Variants in BCL2 observed in about 807,000 individuals in gnomAD.
BCL2 encodes the protein BCL2 apoptosis regulator, also known as apoptosis regulator Bcl-2.
BCL2 carries 1 observed loss-of-function variant against 14.2 expected under a neutral mutation model. The ratio of observed to expected loss-of-function variants is 0.07; its 90% confidence interval spans 0.02 to 0.33. The LOEUF (loss-of-function observed/expected upper bound fraction) is 0.33, where lower values mean the gene tolerates loss of function less well. BCL2 is among the 10% of genes least tolerant of loss of function. The pLI is 0.99. For synonymous variants in BCL2, 151 were observed against 137.2 expected, an observed-to-expected ratio of 1.10 and a Z score of -0.70; for missense variants, 247 against 305.9, an observed-to-expected ratio of 0.81 and a Z score of 1.44.
At chr18:63,199,220 C>T (rs1309724118) in intron 2 of BCL2, among the ~76,000 whole-genome samples, 3 of 150,716 alleles carry the variant, frequency 2.0e-5, no homozygotes, top group Non-Finnish European at 3.0e-5. Context: ...ACACAACACA[C>T]ACACTACACA....
chr18:63,211,944 A>T (rs1053179210), intron 2 of BCL2, among the ~76,000 whole-genome samples: 3 of 151,840 alleles, frequency 2.0e-5, no homozygotes, highest in Non-Finnish European at 4.4e-5. Flanking sequence ...CAGTCATGTG[A>T]CTCCTTTCTT....
At chr18:63,319,063 A>C in intron 1 of BCL2, 111 bp from the exon 2 acceptor site, 4 of 1,081,782 alleles carry the variant, frequency 3.7e-6, no homozygotes, top group Admixed American at 5.1e-5. Flanking sequence ...GCTAAAAAGA[A>C]TGTATTAAGC....
intron 2 of BCL2, among the ~76,000 whole-genome samples, chr18:63,259,126 A>T (rs1911575805): frequency 6.6e-6 from 1 of 152,210 alleles, no homozygotes; most frequent in African/African-American, 2.4e-5. Context: ...CCTGGCCGTC[A>T]GAAGTCCCAT....
In BCL2 at chr18:63,318,607, A is replaced by C. The variant is rs758123306; in HGVS notation, c.60T>G (p.His20Gln). The C allele has an allele frequency of 5.4e-5, 87 of 1,612,538 alleles. 1 individual carries two copies. The highest frequency in any genetic ancestry group is 1.0e-4 in the Admixed American group (6 of 59,944). Residue 20 changes from histidine (H) to glutamine (Q), a missense_variant, in exon 2 of 3, where the codon CAT (histidine) becomes CAG (glutamine). Physicochemically the swap from His to Gln is conservative, Grantham distance 24. Around this residue, in one of 3 missense-constraint regions of BCL2, gnomAD observed 144 missense variants for 135.3 expected, o/e 1.06. Coordinates refer to ENST00000333681, the MANE Select transcript of BCL2 (RefSeq NM_000633.3). This position sits in a 1 kb window ranked among gnomAD's most constrained non-coding sequence, Gnocchi z 7.4. Reference sequence around the variant, plus strand: ...CGTAGCCCCTCTGCGACAGCTTATAATGGATGTACTTCATCACTATCTCCC... The same window carrying C: ...CGTAGCCCCTCTGCGACAGCTTATACTGGATGTACTTCATCACTATCTCCC... Reference protein sequence around the residue: ...DNREIVMKYIHYKLSQRGYEW... With the variant: ...DNREIVMKYIQYKLSQRGYEW...
Position 63,225,958 on chromosome 18 carries a change from C to T in BCL2, c.585+92124G>A, listed in dbSNP as rs979496055. On this transcript the variant is annotated intron_variant, in intron 2 of 2. Transcript: ENST00000333681. ...GCATTTTACACCTGCATTGTGGCACCCAAGTTCTTGTCCGGCGTCCAGGAG... is the reference window on the plus strand; with the variant it reads ...GCATTTTACACCTGCATTGTGGCACTCAAGTTCTTGTCCGGCGTCCAGGAG... 5.9e-5 allele frequency among the ~76,000 whole-genome samples: 9 copies of T among 152,242 alleles called. No individual in the cohort carries two copies. In the East Asian group the frequency reaches 1.5e-3, roughly 26 times the overall value.
rs549280906 is a variant in BCL2 at position 63,202,346 on chromosome 18, G to A, written c.586-73587C>T. On this transcript the variant is annotated intron_variant, in intron 2 of 2. Transcript: ENST00000333681. ...ATATTCCTACATTCACATAACATTT[G>A]TTAGAATACTGGCAGCACAATTTTA... Among the ~76,000 whole-genome samples, 44 of 152,238 alleles carry A rather than the reference G, an allele frequency of 2.9e-4. 2 individuals are homozygous for A. The South Asian group carries it at 8.9e-3, about 31-fold the overall frequency.
In BCL2 at chr18:63,317,977, G is replaced by T. The variant is rs572076117; in HGVS notation, c.585+105C>A. The T allele has an allele frequency of 1.5e-5, 23 of 1,495,680 alleles. No homozygotes were observed. The South Asian group carries it at 2.5e-4, about 16-fold the overall frequency. The allele number at this position is 1,495,680 out of a possible 1,614,324, so 92.7% of individuals were successfully genotyped here. On this transcript the variant is annotated intron_variant, in intron 2 of 2. Transcript: ENST00000333681. ...GAAGCAACAACTCTGATTTTATTTC[G>T]CCGGCTCCACAGCCTCCCATTGCCC...
intron 2 of BCL2, among the ~76,000 whole-genome samples, chr18:63,222,199 G>C (rs1910411073): frequency 6.6e-6 from 1 of 150,916 alleles, no homozygotes; most frequent in African/African-American, 2.4e-5. Context: ...ATCTGAACTT[G>C]GGAGGCAGAG....
rs8098774 is a variant in BCL2 at position 63,174,501 on chromosome 18, A to C, written c.586-45742T>G. Among the ~76,000 whole-genome samples the C allele has an allele frequency of 5.2e-3, 793 of 152,312 alleles. 9 individuals carry two copies. The highest frequency in any genetic ancestry group is 0.018 in the African/African-American group (756 of 41,558). ...GTCTTTTCTGAGACCCAAGTAAAAA[A>C]TGGTACATTCATTTTCTGTTATAAA... is the stretch of plus-strand genomic sequence containing the variant. On this transcript the variant is annotated intron_variant, in intron 2 of 2. Coordinates refer to ENST00000333681, the MANE Select transcript of BCL2 (RefSeq NM_000633.3).
chr18:63,269,740 G>A (rs1380458682), intron 2 of BCL2, among the ~76,000 whole-genome samples: 1 of 152,112 alleles, frequency 6.6e-6, no homozygotes, highest in East Asian at 1.9e-4. Flanking sequence ...TGATTAGTTT[G>A]AAATGTATTA....
chr18:63,271,272 A>C (rs1035314324), intron 2 of BCL2, among the ~76,000 whole-genome samples: 1 of 152,222 alleles, frequency 6.6e-6, no homozygotes, highest in Non-Finnish European at 1.5e-5. Flanking sequence ...ATAATAAATT[A>C]AACCTAACAG....
intron 2 of BCL2, among the ~76,000 whole-genome samples, chr18:63,304,022 C>T (rs966010087): frequency 1.2e-4 from 18 of 152,016 alleles, no homozygotes; most frequent in African/African-American, 3.6e-4. Flanking sequence ...GAAGAAAAAC[C>T]CATTAAATCT....
intron 2 of BCL2, among the ~76,000 whole-genome samples, chr18:63,156,102 A>AAAAC (rs1914774514): frequency 2.0e-5 from 3 of 151,648 alleles, no homozygotes; most frequent in African/African-American, 7.2e-5. Flanking sequence ...AAAAAAAAAA[A>AAAAC]AAAAGGCTTG....
intron 2 of BCL2, among the ~76,000 whole-genome samples, chr18:63,253,450 T>G (rs925841209): frequency 1.3e-5 from 2 of 152,224 alleles, no homozygotes; most frequent in Non-Finnish European, 2.9e-5. Flanking sequence ...GGTTAAAATA[T>G]TCTGTAATCC....
At chr18:63,202,804 T>C (rs1909734477) in intron 2 of BCL2, among the ~76,000 whole-genome samples, 1 of 152,238 alleles carries the variant, frequency 6.6e-6, no homozygotes, top group Admixed American at 6.5e-5. Context: ...CTGTGTGTCT[T>C]GTGCAGCCAT....
chr18:63,223,260 C>T (rs894729664), intron 2 of BCL2, among the ~76,000 whole-genome samples: 1 of 152,092 alleles, frequency 6.6e-6, no homozygotes, highest in East Asian at 1.9e-4. Flanking sequence ...GTTAGCCGGG[C>T]GTGGTGGCGG....
chr18:63,212,197 G>A (rs1441945608), intron 2 of BCL2, among the ~76,000 whole-genome samples: 16 of 151,126 alleles, frequency 1.1e-4, no homozygotes, highest in African/African-American at 3.2e-4. Context: ...GTGGTGGCGG[G>A]CGCCTGTAGT....
At chr18:63,223,524 G>A (rs1213712735) in intron 2 of BCL2, among the ~76,000 whole-genome samples, 1 of 152,230 alleles carries the variant, frequency 6.6e-6, no homozygotes, top group African/African-American at 2.4e-5. Flanking sequence ...TAATACTGGA[G>A]GTTTGAACTC....
intron 2 of BCL2, among the ~76,000 whole-genome samples, chr18:63,193,708 A>G (rs1246160495): frequency 6.6e-6 from 1 of 152,014 alleles, no homozygotes; most frequent in Middle Eastern, 3.4e-3. Flanking sequence ...CATCTGTGAA[A>G]TGACATTCCT....
Sources: gnomAD v4.1 joint callset for allele counts (sites outside exome capture counted in the v4.1 genomes callset) on GRCh38, gnomAD v4.1.1 for gene constraint, gnomAD v4.1.1 regional missense constraint, Gnocchi (gnomAD v3.1) non-coding constraint, MANE v1.5 for transcripts, NCBI Gene and HGNC (gene_info 2026-07-23, HGNC 2026-07-21) for gene names.